DPYD: variants seen among roughly 807,000 people sequenced by gnomAD.
The protein encoded by DPYD is dihydropyrimidine dehydrogenase.
DPYD carries 109 observed loss-of-function variants against 116.2 expected under a neutral mutation model. The observed-to-expected ratio is 0.94, with a 90% confidence interval of 0.80 to 1.10. The LOEUF (loss-of-function observed/expected upper bound fraction) is 1.10, where lower values mean the gene tolerates loss of function less well. DPYD is among the 50% of genes least tolerant of loss of function. The pLI, the probability that DPYD is intolerant of heterozygous loss-of-function variation, is 0.00. For missense variants in DPYD, 1,302 were observed against 1,254.5 expected, an observed-to-expected ratio of 1.04 and a Z score of -0.57; for synonymous variants, 440 against 432.0, an observed-to-expected ratio of 1.02 and a Z score of -0.23.
chr1:97,376,132 G>A (rs1252991437), intron 15 of DPYD, among the ~76,000 whole-genome samples: 3 of 152,136 alleles, frequency 2.0e-5, no homozygotes, highest in Non-Finnish European at 4.4e-5. Flanking sequence ...TGATAAAACT[G>A]AGACATAAAG....
intron 16 of DPYD, among the ~76,000 whole-genome samples, chr1:97,345,008 A>T (rs551828540): frequency 7.9e-5 from 12 of 151,990 alleles, no homozygotes; most frequent in African/African-American, 2.9e-4. Flanking sequence ...CTCTTTGCCA[A>T]ATTAGTTGAT....
intron 20 of DPYD, among the ~76,000 whole-genome samples, chr1:97,191,006 ATTC>A (rs1194829742): frequency 1.3e-5 from 2 of 151,930 alleles, no homozygotes; most frequent in Non-Finnish European, 1.5e-5. Context: ...CCAGCATACT[ATTC>A]TTTGGCTAAT....
intron 16 of DPYD, among the ~76,000 whole-genome samples, chr1:97,324,251 G>A (rs1375738102): frequency 6.6e-6 from 1 of 151,960 alleles, no homozygotes; most frequent in African/African-American, 2.4e-5. Flanking sequence ...CTGACAGCCA[G>A]TCAGTTTCTG....
intron 13 of DPYD, among the ~76,000 whole-genome samples, chr1:97,469,300 G>A (rs1677494406): frequency 6.9e-6 from 1 of 143,996 alleles, no homozygotes; most frequent in Non-Finnish European, 1.5e-5. Context: ...TCATGGCTCT[G>A]ATAACCAAAG....
chr1:97,696,572 T>G (rs868767466), intron 6 of DPYD, among the ~76,000 whole-genome samples: 1 of 152,154 alleles, frequency 6.6e-6, no homozygotes, highest in Non-Finnish European at 1.5e-5. Context: ...AACAAACTTT[T>G]CTTCTATCTG....
chr1:97,337,188 C>T (rs1025329567), intron 16 of DPYD, among the ~76,000 whole-genome samples: 1 of 151,936 alleles, frequency 6.6e-6, no homozygotes, highest in African/African-American at 2.4e-5. Flanking sequence ...CATGAAGAGG[C>T]AGAAATGAAA....
chr1:97,614,610 T>C (rs1259565407), intron 8 of DPYD, among the ~76,000 whole-genome samples: 3 of 152,086 alleles, frequency 2.0e-5, no homozygotes, highest in Admixed American at 2.0e-4. Flanking sequence ...CCACTTCATT[T>C]TCATTAGCAA....
At chr1:97,644,217 G>A (rs1313322762) in intron 8 of DPYD, among the ~76,000 whole-genome samples, 1 of 152,114 alleles carries the variant, frequency 6.6e-6, no homozygotes, top group African/African-American at 2.4e-5. Context: ...TGCTATGTCT[G>A]TATATGGGGG....
At chr1:97,730,794 C>T (rs72977741) in intron 4 of DPYD, among the ~76,000 whole-genome samples, 4,898 of 151,394 alleles carry the variant, frequency 0.032, 112 homozygotes, top group African/African-American at 0.069. Flanking sequence ...AGAGTTTCTA[C>T]AATTTGCTTC....
chr1:97,251,468 G>A (rs2151567), intron 18 of DPYD, among the ~76,000 whole-genome samples: 5,612 of 151,568 alleles, frequency 0.037, 163 homozygotes, highest in South Asian at 0.075. Flanking sequence ...AAGGTGAATG[G>A]GACTGAAGAT....
chr1:97,501,742 A>T (rs1463120353), intron 13 of DPYD, among the ~76,000 whole-genome samples: 2 of 152,038 alleles, frequency 1.3e-5, no homozygotes, highest in Non-Finnish European at 2.9e-5. Context: ...GTAGACACAA[A>T]TCCTACAAAC....
At chr1:97,141,604 C>A (rs1374446750) in intron 20 of DPYD, among the ~76,000 whole-genome samples, 7 of 152,166 alleles carry the variant, frequency 4.6e-5, no homozygotes, top group Non-Finnish European at 8.8e-5. Context: ...CTTCTCCACC[C>A]TTCCTGTTTA....
At chr1:97,365,968 G>GCCACAAAACAACACAACT (rs1250002750) in intron 16 of DPYD, among the ~76,000 whole-genome samples, 1 of 151,940 alleles carries the variant, frequency 6.6e-6, no homozygotes, top group Non-Finnish European at 1.5e-5. Flanking sequence ...ATAATGGTTG[G>GCCACAAAACAACACAACT]GCTACACAAA....
chr1:97,082,357 G>A lies in DPYD; in HGVS notation c.2880C>T (p.Tyr960=), dbSNP rs2101558009. The A allele has an allele frequency of 6.2e-7, 1 of 1,613,542 alleles. No homozygotes were observed. Among genetic ancestry groups the A allele is most frequent in the Non-Finnish European group, 8.5e-7 (1 of 1,179,596 alleles). Residue 960 remains tyrosine, a synonymous_variant, in exon 22 of 23, where the codon TAC becomes TAT. Coordinates refer to ENST00000370192, the MANE Select transcript of DPYD (RefSeq NM_000110.4). The part of the protein sequence containing the change: ...EEMCINCGKC[Y]MTCNDSGYQA... ...GGTAGCCAGAATCATTACAGGTCATGTAGCATTTACCACAGTTGATACACA... is the reference window on the plus strand; with the variant it reads ...GGTAGCCAGAATCATTACAGGTCATATAGCATTTACCACAGTTGATACACA...
intron 18 of DPYD, among the ~76,000 whole-genome samples, chr1:97,246,673 T>A (rs1662739768): frequency 6.6e-6 from 1 of 152,162 alleles, no homozygotes; most frequent in African/African-American, 2.4e-5. Flanking sequence ...GGATGTTGCC[T>A]CGTAGGCAGG....
At chr1:97,524,120 C>G (rs1165645816) in intron 12 of DPYD, among the ~76,000 whole-genome samples, 3 of 152,124 alleles carry the variant, frequency 2.0e-5, no homozygotes, top group African/African-American at 7.2e-5. Flanking sequence ...GTAACAGGCT[C>G]TGTAACGGGG....
chr1:97,421,931 C>A (rs144033363), intron 14 of DPYD, among the ~76,000 whole-genome samples: 1 of 152,116 alleles, frequency 6.6e-6, no homozygotes, highest in Non-Finnish European at 1.5e-5. Flanking sequence ...ATATAAAGCG[C>A]TAGCCCCTGA....
intron 18 of DPYD, among the ~76,000 whole-genome samples, chr1:97,279,759 C>T (rs2222327): frequency 2.6e-5 from 4 of 152,178 alleles, no homozygotes; most frequent in African/African-American, 9.7e-5. Flanking sequence ...ATCCGCCCAC[C>T]TCAGCCTCCC....
intron 5 of DPYD, among the ~76,000 whole-genome samples, chr1:97,710,421 T>C (rs1662216550): frequency 6.6e-6 from 1 of 151,872 alleles, no homozygotes; most frequent in South Asian, 2.1e-4. Context: ...TCTTGACAAA[T>C]AGTTTTCTTC....
Sources: allele counts gnomAD v4.1 joint callset (sites outside exome capture counted in the v4.1 genomes callset), GRCh38; gene constraint gnomAD v4.1.1; transcripts MANE v1.5; gene names NCBI Gene and HGNC (gene_info 2026-07-23, HGNC 2026-07-21).